Variants in CTNNA2 observed in about 807,000 individuals in gnomAD.
CTNNA2 encodes catenin alpha-2.
In CTNNA2, 42 loss-of-function variants were observed where a neutral mutation model predicts 101.0. The observed-to-expected ratio is 0.42, with a 90% CI of 0.32 to 0.54. The LOEUF is 0.54. CTNNA2 is among the 20% of genes least tolerant of loss of function. The probability of loss-of-function intolerance (pLI) is 0.14; values close to 1 mark genes in which losing one functional copy is unlikely to be tolerated. For synonymous variants in CTNNA2, 450 were observed against 456.4 expected (o/e 0.99, Z 0.18); for missense variants, 871 against 1,223.1 (o/e 0.71, Z 4.29).
intron 7 of CTNNA2, among the ~76,000 whole-genome samples, chr2:80,230,389 C>G (rs1201112840): frequency 6.6e-6 from 1 of 151,586 alleles, no homozygotes; most frequent in Non-Finnish European, 1.5e-5. Context: ...AGCCACTGCA[C>G]TGGTCTATAT....
intron 3 of CTNNA2, among the ~76,000 whole-genome samples, chr2:79,344,580 C>G (rs1017951160): frequency 6.6e-6 from 1 of 151,960 alleles, no homozygotes; most frequent in Non-Finnish European, 1.5e-5. Context: ...CCAAATGCTT[C>G]TACCAAGAAT....
chr2:80,274,225 A>G lies in CTNNA2; in HGVS notation c.1057-118986A>G, dbSNP rs1673718463. On this transcript the variant is annotated intron_variant, in intron 7 of 18. Transcript: ENST00000402739. ...GGAACAGTTGGATAGGCAGGTCATT[A>G]TGAGGCCTTTGGTTGTCTGAAGACG... Among the ~76,000 whole-genome samples the G allele has an allele frequency of 2.0e-5, 3 of 152,190 alleles. No homozygotes were observed. The South Asian group carries it at 6.2e-4, about 31-fold the overall frequency.
At position 80,470,768 on chromosome 2, in the gene CTNNA2, T is replaced by C. The variant is rs1448966153; in HGVS notation, c.1290+51167T>C. On this transcript the variant is annotated intron_variant, in intron 9 of 18. Transcript: ENST00000402739. ...CAGAAGATAGGAGTAAGAAGACCAA[T>C]TAATAAAGATTTTCTGATTGTGATA... 1.3e-4 allele frequency among the ~76,000 whole-genome samples: 20 copies of C among 152,210 alleles called. 1 individual carries two copies. In the South Asian group the frequency reaches 4.2e-3, roughly 32 times the overall value.
intron 9 of CTNNA2, among the ~76,000 whole-genome samples, chr2:80,441,820 T>C (rs1344547202): frequency 6.6e-6 from 1 of 152,128 alleles, no homozygotes; most frequent in Non-Finnish European, 1.5e-5. Flanking sequence ...GTCATGATGT[T>C]CTCGAAGGCC....
At chr2:80,430,797 T>C (rs1396796461) in intron 9 of CTNNA2, among the ~76,000 whole-genome samples, 2 of 152,150 alleles carry the variant, frequency 1.3e-5, no homozygotes, top group African/African-American at 4.8e-5. Context: ...CTAATTAGTT[T>C]TGGTGTTTCA....
At chr2:80,558,456 G>GTA (rs1289799214) in intron 12 of CTNNA2, among the ~76,000 whole-genome samples, 1 of 86,010 alleles carries the variant, frequency 1.2e-5, no homozygotes, top group African/African-American at 3.1e-5. Flanking sequence ...GTGTGTGTGT[G>GTA]TGTATATATG....
intron 9 of CTNNA2, among the ~76,000 whole-genome samples, chr2:80,487,412 A>G (rs1686682881): frequency 6.6e-6 from 1 of 152,148 alleles, no homozygotes; most frequent in African/African-American, 2.4e-5. Flanking sequence ...TAATTGACTC[A>G]CAGTTCTGCA....
At chr2:80,572,093 G>T (rs188687172) in intron 12 of CTNNA2, among the ~76,000 whole-genome samples, 1 of 152,138 alleles carries the variant, frequency 6.6e-6, no homozygotes, top group Non-Finnish European at 1.5e-5. Context: ...AGCACTTGCC[G>T]AAATGATGTG....
At chr2:80,601,225 C>A (rs1697481060) in intron 15 of CTNNA2, among the ~76,000 whole-genome samples, 1 of 152,054 alleles carries the variant, frequency 6.6e-6, no homozygotes, top group African/African-American at 2.4e-5. Flanking sequence ...GTGTGTGTAC[C>A]ACCTAAGTGA....
chr2:80,340,486 A>G (rs972612694), intron 7 of CTNNA2, among the ~76,000 whole-genome samples: 2 of 152,088 alleles, frequency 1.3e-5, no homozygotes, highest in African/African-American at 2.4e-5. Flanking sequence ...AATCTTCATA[A>G]TTTTCTACTA....
chr2:80,175,018 C>A (rs1705305845), intron 7 of CTNNA2, among the ~76,000 whole-genome samples: 1 of 152,170 alleles, frequency 6.6e-6, no homozygotes, highest in South Asian at 2.1e-4. Flanking sequence ...AGGACAAACA[C>A]AAAACTCTTG....
At chr2:79,982,035 T>C (rs1158763075) in intron 7 of CTNNA2, among the ~76,000 whole-genome samples, 1 of 150,452 alleles carries the variant, frequency 6.6e-6, no homozygotes, top group African/African-American at 2.4e-5. Context: ...TAGTGTTTTG[T>C]TTTTGTTTTT....
intron 3 of CTNNA2, among the ~76,000 whole-genome samples, chr2:79,326,092 T>G (rs1325948174): frequency 6.6e-6 from 1 of 152,210 alleles, no homozygotes; most frequent in Non-Finnish European, 1.5e-5. Context: ...TTATTTGTTC[T>G]TTCATTAGTT....
intron 3 of CTNNA2, among the ~76,000 whole-genome samples, chr2:79,350,442 A>G (rs1677361808): frequency 6.6e-6 from 1 of 152,128 alleles, no homozygotes; most frequent in Admixed American, 6.6e-5. Flanking sequence ...AGCTCCATCC[A>G]TGTTGCTGCA....
chr2:79,911,612 C>G (rs1685806191), intron 7 of CTNNA2, among the ~76,000 whole-genome samples: 1 of 152,096 alleles, frequency 6.6e-6, no homozygotes, highest in Admixed American at 6.5e-5. Context: ...GTTTTCTGTT[C>G]GCAGCCTCGT....
chr2:80,531,660 T>C (rs1690555036), intron 9 of CTNNA2, among the ~76,000 whole-genome samples: 1 of 152,196 alleles, frequency 6.6e-6, no homozygotes, highest in Non-Finnish European at 1.5e-5. Flanking sequence ...CCTGGTTTTT[T>C]ATTTGTTTGT....
intron 7 of CTNNA2, among the ~76,000 whole-genome samples, chr2:80,241,178 T>C (rs1670909897): frequency 6.6e-6 from 1 of 152,056 alleles, no homozygotes; most frequent in Non-Finnish European, 1.5e-5. Context: ...TCTAACCAAC[T>C]GGAAATTATT....
At chr2:79,573,384 T>C (rs1031258276) in intron 1 of CTNNA2, among the ~76,000 whole-genome samples, 10 of 152,222 alleles carry the variant, frequency 6.6e-5, no homozygotes, top group Non-Finnish European at 1.3e-4. Flanking sequence ...ATCTCCTGTA[T>C]TGTCACTGCA....
At position 80,546,028 on chromosome 2, in the gene CTNNA2, A is replaced by C; in HGVS notation, c.1505A>C (p.Asp502Ala). The C allele has an allele frequency of 6.2e-7, 1 of 1,614,070 alleles. No homozygotes were observed. The highest frequency in any genetic ancestry group is 8.5e-7 in the Non-Finnish European group (1 of 1,179,998). Residue 502 changes from aspartate (D) to alanine (A), a missense_variant, in exon 11 of 19, where the codon GAC becomes GCC. Around this residue, in one of 5 missense-constraint regions of CTNNA2, gnomAD observed 647 missense variants for 831.5 expected, o/e 0.78. Coordinates refer to ENST00000402739, the MANE Select transcript of CTNNA2 (RefSeq NM_001282597.3). ...QVRVLTEAVD[D>A]ITSVDDFLSV... is the part of the protein sequence containing the mutation. ...CGAGTGTTGACAGAGGCCGTGGATGACATCACCTCAGTGGATGACTTCCTC... is the reference window on the plus strand; with the variant it reads ...CGAGTGTTGACAGAGGCCGTGGATGCCATCACCTCAGTGGATGACTTCCTC...
Sources: allele counts gnomAD v4.1 joint callset (sites outside exome capture counted in the v4.1 genomes callset), GRCh38; gene constraint gnomAD v4.1.1; regional missense constraint gnomAD v4.1.1; transcripts MANE v1.5; gene names NCBI Gene and HGNC (gene_info 2026-07-23, HGNC 2026-07-21).